Variants in MPPED2 observed in about 807,000 individuals in gnomAD.
MPPED2 encodes the protein metallophosphoesterase domain containing 2.
A neutral mutation model predicts 33.0 loss-of-function variants in MPPED2; 5 were observed. The ratio of observed to expected loss-of-function variants is 0.15; its 90% confidence interval spans 0.08 to 0.32. The LOEUF (loss-of-function observed/expected upper bound fraction) is 0.32, where lower values mean the gene tolerates loss of function less well. MPPED2 is among the 10% of genes least tolerant of loss of function. MPPED2 has a pLI of 1.00. For synonymous variants in MPPED2, 136 were observed against 141.9 expected, an observed-to-expected ratio of 0.96 and a Z score of 0.29; for missense variants, 275 against 372.1, an observed-to-expected ratio of 0.74 and a Z score of 2.15.
chr11:30,565,432 C>T (rs1188599668), intron 2 of MPPED2, among the ~76,000 whole-genome samples: 1 of 152,058 alleles, frequency 6.6e-6, no homozygotes, highest in African/African-American at 2.4e-5. Flanking sequence ...CCATAATTTA[C>T]CTAAACAATG....
intron 4 of MPPED2, chr11:30,451,746 T>C: frequency 1.0e-6 from 1 of 983,340 alleles, no homozygotes. Flanking sequence ...GCTGTAGGAC[T>C]CATTATTATG....
At chr11:30,449,183 A>AATGAAT (rs1565078025) in intron 4 of MPPED2, among the ~76,000 whole-genome samples, 14 of 151,198 alleles carry the variant, frequency 9.3e-5, no homozygotes, top group African/African-American at 3.4e-4. Context: ...AAATGTTAAG[A>AATGAAT]GAATGAATGA....
intron 2 of MPPED2, among the ~76,000 whole-genome samples, chr11:30,543,571 G>A (rs1164385798): frequency 6.6e-6 from 1 of 152,078 alleles, no homozygotes; most frequent in East Asian, 1.9e-4. Flanking sequence ...TGCTTTCCCA[G>A]ACAATGCAAA....
intron 3 of MPPED2, among the ~76,000 whole-genome samples, chr11:30,498,521 C>A (rs1357657801): frequency 2.7e-5 from 4 of 149,282 alleles, no homozygotes; most frequent in Non-Finnish European, 5.9e-5. Context: ...GTACTCCAGC[C>A]TGGGTGACAA....
chr11:30,586,368 C>G (rs1222529165), upstream of MPPED2: 1 of 152,472 alleles, frequency 6.6e-6, no homozygotes, highest in Non-Finnish European at 1.5e-5. This position sits in a 1 kb window ranked among gnomAD's most constrained non-coding sequence, Gnocchi z 4.8. Flanking sequence ...GGGACTGCCA[C>G]TGGGGTCAAA....
intron 4 of MPPED2, among the ~76,000 whole-genome samples, chr11:30,429,537 C>T (rs1190782359): frequency 6.6e-6 from 1 of 152,182 alleles, no homozygotes; most frequent in Non-Finnish European, 1.5e-5. Context: ...TTAAAGCAAG[C>T]ACACAGACCC....
intron 6 of MPPED2, among the ~76,000 whole-genome samples, chr11:30,391,879 G>T (rs546725): frequency 0.36 from 54,922 of 151,928 alleles, 10,218 homozygotes; most frequent in Non-Finnish European, 0.38. Context: ...CATGAAAAGG[G>T]TCTGCATTTT....
At position 30,393,808 on chromosome 11, in the gene MPPED2, T is replaced by C. The variant is rs111552824; in HGVS notation, c.767-4852A>G. ...AATTTTATCCTGTTTTTAAAGTTAA[T>C]GTACAGTTAATCTGACTTGTTTTTG... On this transcript the variant is annotated intron_variant, in intron 6 of 6. Transcript: ENST00000448418. 8.8e-3 allele frequency among the ~76,000 whole-genome samples: 1,340 copies of C among 152,330 alleles called. 25 individuals carry two copies. Among genetic ancestry groups the C allele is most frequent in the African/African-American group, 0.029 (1,190 of 41,572 alleles).
intron 2 of MPPED2, among the ~76,000 whole-genome samples, chr11:30,553,295 C>A (rs1381483474): frequency 6.6e-6 from 1 of 152,162 alleles, no homozygotes; most frequent in Non-Finnish European, 1.5e-5. Context: ...GTAGAAAAAA[C>A]AATGTAGAAC....
At chr11:30,445,439 C>T (rs997786489) in intron 4 of MPPED2, among the ~76,000 whole-genome samples, 1 of 152,152 alleles carries the variant, frequency 6.6e-6, no homozygotes, top group South Asian at 2.1e-4. Flanking sequence ...ATTAGTGTAA[C>T]CTTTTTTCTT....
Position 30,580,573 on chromosome 11 carries a change from G to A in MPPED2, c.-121-79C>T, listed in dbSNP as rs1045448063. 1.8e-5 allele frequency: 24 copies of A among 1,323,472 alleles called. No individual in the cohort carries two copies. In the African/African-American group the frequency reaches 3.1e-4, roughly 17 times the overall value. 82.0% of individuals were successfully genotyped at this position (1,323,472 alleles called of 1,614,324 possible). ...CTAAGAGACATAAATTTAACATCTA[G>A]ACATGAAACTAGTTCAGGGAAAATC... On this transcript the variant is annotated intron_variant, in intron 1 of 6. Transcript: ENST00000358117.
intron 4 of MPPED2, among the ~76,000 whole-genome samples, chr11:30,483,413 C>T (rs1351177311): frequency 2.0e-5 from 3 of 152,112 alleles, no homozygotes; most frequent in Non-Finnish European, 4.4e-5. Flanking sequence ...AAATGCAAAA[C>T]CCACAAATGA....
intron 6 of MPPED2, among the ~76,000 whole-genome samples, chr11:30,392,680 G>A (rs1396036403): frequency 2.0e-5 from 3 of 152,154 alleles, no homozygotes; most frequent in South Asian, 2.1e-4. Context: ...TAAAGGGGAC[G>A]GGTTCCCTTG....
chr11:30,565,431 A>C (rs949787125), intron 2 of MPPED2, among the ~76,000 whole-genome samples: 1 of 152,144 alleles, frequency 6.6e-6, no homozygotes, highest in Admixed American at 6.6e-5. Flanking sequence ...ACCATAATTT[A>C]CCTAAACAAT....
chr11:30,481,626 T>G (rs1338154854), intron 4 of MPPED2, among the ~76,000 whole-genome samples: 5 of 151,954 alleles, frequency 3.3e-5, no homozygotes, highest in African/African-American at 1.2e-4. Context: ...AGAATACAAA[T>G]AAGCAAAGGT....
chr11:30,411,436 T>C lies in MPPED2; in HGVS notation c.*32A>G, dbSNP rs754394604. Reference sequence around the variant, plus strand: ...TTAGAAAAATGGCAGTTTATAGACCTTCCCTCACATTCCAATAGGGCATTT... The same window carrying C: ...TTAGAAAAATGGCAGTTTATAGACCCTCCCTCACATTCCAATAGGGCATTT... On this transcript the variant is annotated 3_prime_UTR_variant, in exon 7 of 7. Coordinates refer to ENST00000358117, the MANE Select transcript of MPPED2 (RefSeq NM_001584.3). 3 of 1,598,820 alleles carry C rather than the reference T, an allele frequency of 1.9e-6. No individual in the cohort carries two copies. The highest frequency in any genetic ancestry group is 1.7e-5 in the Admixed American group (1 of 59,524).
At chr11:30,558,505 T>C (rs1473760344) in intron 2 of MPPED2, among the ~76,000 whole-genome samples, 2 of 151,938 alleles carry the variant, frequency 1.3e-5, no homozygotes. Flanking sequence ...AGCTCTGGCC[T>C]GCCAGACTCA....
intron 6 of MPPED2, 107 bp from the exon 7 acceptor site, chr11:30,411,693 G>T: frequency 1.3e-6 from 1 of 778,674 alleles, no homozygotes; most frequent in Non-Finnish European, 1.9e-6. Context: ...TGGGCAGTGA[G>T]ATGAAATTCA....
At chr11:30,566,647 TTTCATTCA>T (rs1181777643) in intron 2 of MPPED2, among the ~76,000 whole-genome samples, 1 of 152,186 alleles carries the variant, frequency 6.6e-6, no homozygotes, top group African/African-American at 2.4e-5. Context: ...CAAACTCAGC[TTTCATTCA>T]TTCATTCATT....
Sources: allele counts gnomAD v4.1 joint callset (sites outside exome capture counted in the v4.1 genomes callset), GRCh38; gene constraint gnomAD v4.1.1; non-coding constraint Gnocchi (gnomAD v3.1); transcripts MANE v1.5; gene names NCBI Gene and HGNC (gene_info 2026-07-23, HGNC 2026-07-21).